NBPF14: variants seen among roughly 807,000 people sequenced by gnomAD.
The protein encoded by NBPF14 is NBPF family member NBPF14.
NBPF14 carries 104 observed loss-of-function variants against 91.2 expected under a neutral mutation model. That is an observed-to-expected ratio of 1.14 (90% CI 0.97 to 1.34). NBPF14 has a LOEUF of 1.34. Ranked by LOEUF, NBPF14 falls within the 40% of genes most tolerant of loss-of-function variation. NBPF14 has a pLI of 0.00. For synonymous variants in NBPF14, 294 were observed against 303.8 expected, an observed-to-expected ratio of 0.97 and a Z score of 0.34; for missense variants, 908 against 783.0, an observed-to-expected ratio of 1.16 and a Z score of -1.91.
At chr1:148,572,507 C>A in exon 21 of NBPF14, 3 of 598,460 alleles carry the variant, frequency 5.0e-6, no homozygotes, top group Non-Finnish European at 2.9e-6. Flanking sequence ...TGCTGTAGGG[C>A]TGGCCTAAGT....
At chr1:148,559,829 C>G (rs1657395911) in exon 37 of NBPF14, 4 of 1,534,978 alleles carry the variant, frequency 2.6e-6, no homozygotes, top group Middle Eastern at 2.3e-4. Flanking sequence ...CGCTGCTGCT[C>G]CAATATGTAA....
intron 69 of NBPF14, 145 bp downstream of exon 69, chr1:148,534,539 A>G: frequency 1.4e-6 from 1 of 710,928 alleles, no homozygotes; most frequent in East Asian, 2.7e-5. Flanking sequence ...CTGAGACTAC[A>G]GTTTCATTAC....
chr1:148,535,457 G>T (rs1294879665), exon 68 of NBPF14: 1 of 479,474 alleles, frequency 2.1e-6, no homozygotes, highest in African/African-American at 3.7e-5. Flanking sequence ...AGTTACCTGG[G>T]GCATGATGGG....
chr1:148,577,507 T>C (rs1247344547), intron 14 of NBPF14, among the ~76,000 whole-genome samples, 152 bp from the exon 15 acceptor site: 1 of 150,312 alleles, frequency 6.7e-6, no homozygotes, highest in Non-Finnish European at 1.5e-5. Context: ...TATGTTGGGA[T>C]AGACTATGGC....
rs1659567574 is a variant in NBPF14, at chr1:148,575,530, C to A, written c.2251+109G>T. On this transcript the variant is annotated intron_variant, in intron 17 of 70. Coordinates refer to ENST00000619423, the Ensembl canonical transcript of NBPF14. ...AACCTATATGCGCCCATAGGTCCTG[C>A]CTGCGGCAATGACGTCTCTCGGGTC... The A allele has an allele frequency of 1.2e-4, 12 of 99,490 alleles. No individual in the cohort carries two copies. The East Asian group carries it at 1.5e-3, about 13-fold the overall frequency. 6.2% of individuals were successfully genotyped at this position (99,490 alleles called of 1,614,324 possible).
At chr1:148,533,965 A>C (rs367895388) in exon 70 of NBPF14, 6 of 708,840 alleles carry the variant, frequency 8.5e-6, no homozygotes, top group South Asian at 7.2e-5. Context: ...CCTTCTTTTC[A>C]ATTTCTGCAA....
chr1:148,551,767 C>G (rs1656248214), intron 47 of NBPF14, among the ~76,000 whole-genome samples: 1 of 18,998 alleles, frequency 5.3e-5, no homozygotes, highest in Non-Finnish European at 8.5e-5. Context: ...CAGGTATGGC[C>G]TGAGACTAGG....
chr1:148,532,179 G>A (rs1319859852), exon 71 of NBPF14: 1 of 152,198 alleles, frequency 6.6e-6, no homozygotes, highest in Non-Finnish European at 1.5e-5. Flanking sequence ...CTATGTGAAG[G>A]AGACAGGTCA....
chr1:148,577,637 A>C (rs1245724012), intron 14 of NBPF14, among the ~76,000 whole-genome samples: 1 of 149,450 alleles, frequency 6.7e-6, no homozygotes, highest in East Asian at 2.0e-4. Flanking sequence ...TGAGGGAGTC[A>C]AAGGACACTC....
intron 69 of NBPF14, 30 bp downstream of exon 69, chr1:148,534,654 G>C (rs1295248607): frequency 8.2e-6 from 7 of 852,600 alleles, no homozygotes; most frequent in South Asian, 5.3e-5. Context: ...ACCAGGTGGA[G>C]GCTTATCACC....
Position 148,590,040 on chromosome 1 carries a change from C to CTT in NBPF14, c.779-649_779-648dup, listed in dbSNP as rs1196401979. Among the ~76,000 whole-genome samples, 165 of 76,334 alleles carry CTT rather than the reference C, an allele frequency of 2.2e-3. 12 individuals are homozygous for CTT. Among genetic ancestry groups the CTT allele is most frequent in the Middle Eastern group, 0.022 (2 of 90 alleles). 50.1% of individuals were successfully genotyped at this position (76,334 alleles called of 152,430 possible). A position where few individuals can be genotyped will look rare whatever the true frequency, so the allele number is the denominator to read the frequency against. On this transcript the variant is annotated intron_variant, in intron 6 of 70. Transcript: ENST00000619423. ...GCCAGCGCCCCTGGTCAGAGACTTA[C>CTT]TTTTTTTTTTTTTTTTTTTTTTTTT...
At chr1:148,593,376 T>C (rs1662814810) in intron 3 of NBPF14, among the ~76,000 whole-genome samples, 2 of 148,510 alleles carry the variant, frequency 1.3e-5, no homozygotes, top group Non-Finnish European at 1.5e-5. Flanking sequence ...ACCTCAACAA[T>C]TACTTGTTTG....
chr1:148,592,670 C>T, exon 4 of NBPF14: 1 of 1,588,782 alleles, frequency 6.3e-7, no homozygotes, highest in Non-Finnish European at 8.6e-7. Flanking sequence ...CCTGGAGATG[C>T]TCATACAATG....
chr1:148,578,933 G>C lies in NBPF14; in HGVS notation c.1801+141C>G, dbSNP rs1660503000. The C allele has an allele frequency of 4.4e-6, 3 of 688,626 alleles. No homozygotes were observed. In the Admixed American group the frequency reaches 6.2e-5, roughly 14 times the overall value. 42.7% of individuals were successfully genotyped at this position (688,626 alleles called of 1,614,324 possible). ...TGTGCTTCAGACTTGACTCCAGAGTGACTGAAATCTACATTGATATATAGG... is the reference window on the plus strand; with the variant it reads ...TGTGCTTCAGACTTGACTCCAGAGTCACTGAAATCTACATTGATATATAGG... On this transcript the variant is annotated intron_variant, in intron 13 of 70. Coordinates refer to ENST00000619423, the Ensembl canonical transcript of NBPF14.
In NBPF14 at chr1:148,591,143, TGCCATGGGA is replaced by T. The variant is rs1204822357; in HGVS notation, c.567-184_567-176del. Among the ~76,000 whole-genome samples the T allele has an allele frequency of 2.2e-3, 328 of 146,418 alleles. 5 individuals are homozygous for T. The highest frequency in any genetic ancestry group is 7.6e-3 in the African/African-American group (308 of 40,582). ...TCTTCTCTCTGCAACAGACCATGGC[TGCCATGGGA>T]GCCAGAGAGGAAGAGAGCAGCTGGT... On this transcript the variant is annotated intron_variant, in intron 5 of 70. Coordinates refer to ENST00000619423, the Ensembl canonical transcript of NBPF14.
chr1:148,579,061 A>G lies in NBPF14; in HGVS notation c.1801+13T>C, dbSNP rs1660528708. 3.7e-6 allele frequency: 2 copies of G among 545,894 alleles called. No individual in the cohort carries two copies. The highest frequency in any genetic ancestry group is 2.7e-5 in the African/African-American group (1 of 36,560). The allele number at this position is 545,894 out of a possible 1,614,324, so 33.8% of individuals were successfully genotyped here. A position where few individuals can be genotyped will look rare whatever the true frequency, so the allele number is the denominator to read the frequency against. On this transcript the variant is annotated intron_variant, in intron 13 of 70. Coordinates refer to ENST00000619423, the Ensembl canonical transcript of NBPF14. ...GAACTGGAGCTTTATCACCTTCACAATGGAGTACTCACTGCCTATGTCAAC... is the reference window on the plus strand; with the variant it reads ...GAACTGGAGCTTTATCACCTTCACAGTGGAGTACTCACTGCCTATGTCAAC...
intron 7 of NBPF14, among the ~76,000 whole-genome samples, chr1:148,587,998 C>T: frequency 6.8e-6 from 1 of 146,894 alleles, no homozygotes; most frequent in Middle Eastern, 3.6e-3. Flanking sequence ...TTAGAAACAG[C>T]AGAATGAAGA....
At chr1:148,575,806 C>G (rs1659583138) in exon 17 of NBPF14, 1 of 307,870 alleles carries the variant, frequency 3.2e-6, no homozygotes, top group Non-Finnish European at 5.6e-6. Context: ...CAGCTCCCTG[C>G]TGAGCCTGGA....
At chr1:148,575,924 C>T in intron 16 of NBPF14, 113 bp from the exon 17 acceptor site, 1 of 389,592 alleles carries the variant, frequency 2.6e-6, no homozygotes, top group South Asian at 2.2e-5. Context: ...AAGGACAGAT[C>T]CATTAATGAG....
Sources: allele counts gnomAD v4.1 joint callset (sites outside exome capture counted in the v4.1 genomes callset), GRCh38; gene constraint gnomAD v4.1.1; transcripts MANE v1.5; gene names NCBI Gene and HGNC (gene_info 2026-07-23, HGNC 2026-07-21).